The following RIT2 variants were observed in gnomAD, a reference collection of about 807,000 sequenced individuals.
RIT2 encodes Ras like without CAAX 2, also known as GTP-binding protein Rit2.
In RIT2, 24 loss-of-function variants were observed where a neutral mutation model predicts 23.7. That is an observed-to-expected ratio of 1.01 (90% CI 0.73 to 1.43). The LOEUF (loss-of-function observed/expected upper bound fraction) is 1.43. Ranked by LOEUF, RIT2 falls within the 40% of genes most tolerant of loss-of-function variation. The pLI is 0.00. For missense variants in RIT2, 236 were observed against 266.9 expected (o/e 0.88, Z 0.81); for synonymous variants, 107 against 91.1 (o/e 1.17, Z -0.99).
intron 3 of RIT2, among the ~76,000 whole-genome samples, chr18:42,934,227 C>T (rs763985142): frequency 2.0e-4 from 31 of 151,990 alleles, no homozygotes; most frequent in Non-Finnish European, 3.2e-4. Flanking sequence ...TAACTGTGCT[C>T]AATCAAATAA....
intron 3 of RIT2, among the ~76,000 whole-genome samples, chr18:42,944,471 T>A (rs1909677198): frequency 6.6e-6 from 1 of 152,066 alleles, no homozygotes; most frequent in Non-Finnish European, 1.5e-5. Context: ...GGACAGGTGA[T>A]CACTGAGTCT....
At chr18:42,948,980 A>G (rs1568037598) in intron 3 of RIT2, 1 of 397,510 alleles carries the variant, frequency 2.5e-6, no homozygotes, top group Non-Finnish European at 4.4e-6. Context: ...TTGGTTTTTC[A>G]ACTTACTTTT....
In RIT2 at chr18:43,017,610, A is replaced by G. The variant is rs543706343; in HGVS notation, c.160+16201T>C. On this transcript the variant is annotated intron_variant, in intron 2 of 4. Coordinates refer to ENST00000326695, the MANE Select transcript of RIT2 (RefSeq NM_002930.4). The stretch of plus-strand genomic sequence containing the variant: ...CATTGTTTTTATTACATTACTTAGC[A>G]GTAGTAGTTAGTATTTAGAATTAGG... 1.8e-3 allele frequency among the ~76,000 whole-genome samples: 280 copies of G among 152,172 alleles called. 2 individuals are homozygous for G. Among genetic ancestry groups the G allele is most frequent in the Non-Finnish European group, 3.4e-3 (228 of 67,970 alleles).
rs529098660 is a variant in RIT2, at chr18:42,877,555, T to A, written c.426+46017A>T. The stretch of plus-strand genomic sequence containing the variant: ...ATATATATATATGCATATACACACA[T>A]AGATACATATCTATATACAAATAAA... On this transcript the variant is annotated intron_variant, in intron 4 of 4. Coordinates refer to ENST00000326695, the MANE Select transcript of RIT2 (RefSeq NM_002930.4). 4.2e-3 allele frequency among the ~76,000 whole-genome samples: 627 copies of A among 149,992 alleles called. 9 individuals are homozygous for A. Among genetic ancestry groups the A allele is most frequent in the African/African-American group, 0.014 (586 of 40,902 alleles).
chr18:43,075,816 C>CT (rs1913000398), intron 1 of RIT2, among the ~76,000 whole-genome samples: 1 of 152,088 alleles, frequency 6.6e-6, no homozygotes, highest in Non-Finnish European at 1.5e-5. Context: ...CAAAAATGCC[C>CT]TTGCCTTTTT....
intron 1 of RIT2, among the ~76,000 whole-genome samples, chr18:43,054,480 TATTAATTGAAGCATAATTACACACC>T (rs911978697): frequency 6.6e-6 from 1 of 152,078 alleles, no homozygotes; most frequent in Admixed American, 6.6e-5. Context: ...GACTCAAGAA[TATTAATTGAAGCATAATTACACACC>T]AGAGGGTTCA....
chr18:42,832,348 G>C (rs1906482127), intron 4 of RIT2, among the ~76,000 whole-genome samples: 1 of 152,152 alleles, frequency 6.6e-6, no homozygotes, highest in African/African-American at 2.4e-5. Flanking sequence ...TAAATACCAA[G>C]TGAAAAATGT....
At chr18:42,892,199 C>T (rs1253088161) in intron 4 of RIT2, among the ~76,000 whole-genome samples, 1 of 152,132 alleles carries the variant, frequency 6.6e-6, no homozygotes, top group Non-Finnish European at 1.5e-5. Flanking sequence ...TGTAGCACTT[C>T]CTACCTAGAG....
intron 2 of RIT2, among the ~76,000 whole-genome samples, chr18:42,976,428 G>A (rs1026605596): frequency 6.6e-6 from 1 of 152,072 alleles, no homozygotes; most frequent in African/African-American, 2.4e-5. Context: ...ATTTAAAAGA[G>A]TCATGTATTT....
At chr18:42,861,290 G>T (rs574568097) in intron 4 of RIT2, among the ~76,000 whole-genome samples, 2 of 152,190 alleles carry the variant, frequency 1.3e-5, no homozygotes, top group East Asian at 1.9e-4. Context: ...TGGCAGTTAG[G>T]GAAAGGACAT....
chr18:42,933,351 T>C (rs1909374513), intron 3 of RIT2, among the ~76,000 whole-genome samples: 2 of 152,166 alleles, frequency 1.3e-5, no homozygotes, highest in African/African-American at 2.4e-5. Context: ...GCAAAATTTT[T>C]GTTCCCAAGT....
chr18:42,750,547 A>G lies in RIT2; in HGVS notation c.427-6827T>C, dbSNP rs1913022289. 2.6e-5 allele frequency among the ~76,000 whole-genome samples: 4 copies of G among 151,998 alleles called. No homozygotes were observed. In the South Asian group the frequency reaches 6.2e-4, roughly 24 times the overall value. ...TATAGTAATATTTCCGTAGCTAAAT[A>G]TTGCAACATTCACAGCAAATAGGAT... On this transcript the variant is annotated intron_variant, in intron 4 of 4. Coordinates refer to ENST00000326695, the MANE Select transcript of RIT2 (RefSeq NM_002930.4).
intron 3 of RIT2, among the ~76,000 whole-genome samples, chr18:42,940,455 G>A (rs1909574701): frequency 6.6e-6 from 1 of 150,490 alleles, no homozygotes; most frequent in African/African-American, 2.4e-5. Context: ...CTCTTCACAG[G>A]GGCACTGTGT....
chr18:42,833,297 T>C (rs962692962), intron 4 of RIT2, among the ~76,000 whole-genome samples: 16 of 152,298 alleles, frequency 1.1e-4, no homozygotes, highest in Non-Finnish European at 2.1e-4. Flanking sequence ...AGTTCCATGT[T>C]GCTGCAAATT....
At chr18:43,024,235 A>G (rs545717497) in intron 2 of RIT2, among the ~76,000 whole-genome samples, 6 of 152,080 alleles carry the variant, frequency 3.9e-5, no homozygotes, top group Non-Finnish European at 5.9e-5. Flanking sequence ...ACAGAATAGA[A>G]GGCCAGAAAT....
chr18:42,881,058 G>A (rs554819023), intron 4 of RIT2, among the ~76,000 whole-genome samples: 30 of 151,952 alleles, frequency 2.0e-4, no homozygotes, highest in African/African-American at 4.8e-4. Context: ...CACCCGCCTC[G>A]GCCTCCCAAA....
At chr18:43,046,357 C>T (rs1912246757) in intron 1 of RIT2, among the ~76,000 whole-genome samples, 1 of 152,220 alleles carries the variant, frequency 6.6e-6, no homozygotes, top group Non-Finnish European at 1.5e-5. Context: ...CAACATATCA[C>T]TTGTTGGTCC....
chr18:42,831,239 A>G (rs1397407596), intron 4 of RIT2, among the ~76,000 whole-genome samples: 1 of 152,202 alleles, frequency 6.6e-6, no homozygotes, highest in East Asian at 1.9e-4. Flanking sequence ...AAAATGAATT[A>G]AACATCTGTG....
intron 4 of RIT2, among the ~76,000 whole-genome samples, chr18:42,805,102 C>T (rs1905647345): frequency 6.6e-6 from 1 of 152,168 alleles, no homozygotes; most frequent in Non-Finnish European, 1.5e-5. Context: ...ATGTGAGTTA[C>T]ATCTATTGAC....
Sources: allele counts gnomAD v4.1 joint callset (sites outside exome capture counted in the v4.1 genomes callset), GRCh38; gene constraint gnomAD v4.1.1; transcripts MANE v1.5; gene names NCBI Gene and HGNC (gene_info 2026-07-23, HGNC 2026-07-21).